The following CMSS1 variants were observed in gnomAD, a reference collection of about 807,000 sequenced individuals.
CMSS1 encodes the protein cms1 ribosomal small subunit homolog, also known as protein CMSS1.
CMSS1 carries 33 observed loss-of-function variants against 43.5 expected under a neutral mutation model. The ratio of observed to expected loss-of-function variants is 0.76; its 90% CI spans 0.57 to 1.01. The LOEUF (loss-of-function observed/expected upper bound fraction) is 1.01, where lower values mean the gene tolerates loss of function less well. Among genes scored for constraint, CMSS1 ranks in the 50% least tolerant of loss-of-function variants. The probability of loss-of-function intolerance (pLI) is 0.00; values close to 1 mark genes in which losing one functional copy is unlikely to be tolerated. For missense variants in CMSS1, 313 were observed against 326.4 expected (o/e 0.96, Z 0.32); for synonymous variants, 115 against 117.2 (o/e 0.98, Z 0.12).
At chr3:99,818,748 C>T (rs1350813733) in intron 1 of CMSS1, among the ~76,000 whole-genome samples, 6 of 152,164 alleles carry the variant, frequency 3.9e-5, no homozygotes, top group Non-Finnish European at 5.9e-5. Context: ...AAAGCTAGCT[C>T]CTTTCAGAAA....
chr3:99,868,439 G>C (rs1944626790), intron 1 of CMSS1, among the ~76,000 whole-genome samples: 1 of 152,156 alleles, frequency 6.6e-6, no homozygotes, highest in Non-Finnish European at 1.5e-5. Flanking sequence ...TGTCAGCCCA[G>C]CAGCACCAGA....
chr3:100,074,671 T>G (rs1036740300), intron 1 of CMSS1, among the ~76,000 whole-genome samples: 2 of 136,484 alleles, frequency 1.5e-5, no homozygotes, highest in African/African-American at 2.7e-5. Flanking sequence ...ATGTGCAACA[T>G]TTGATTTTTT....
intron 1 of CMSS1, among the ~76,000 whole-genome samples, chr3:99,988,210 A>AAATT (rs1709402726): frequency 1.3e-5 from 2 of 152,050 alleles, no homozygotes; most frequent in South Asian, 4.2e-4. Flanking sequence ...AGAAAGTCTG[A>AAATT]AATTTGGCCG....
chr3:99,986,635 T>C (rs775858706), intron 1 of CMSS1, among the ~76,000 whole-genome samples: 1 of 151,986 alleles, frequency 6.6e-6, no homozygotes, highest in Non-Finnish European at 1.5e-5. Context: ...ATTGAAGAAA[T>C]TGATGAAGAT....
intron 1 of CMSS1, among the ~76,000 whole-genome samples, chr3:99,854,620 A>G (rs182097442): frequency 6.6e-6 from 1 of 152,164 alleles, no homozygotes. Context: ...GTGCACTACA[A>G]GATGTTTAGC....
chr3:100,170,422 G>A (rs568680876), intron 6 of CMSS1, among the ~76,000 whole-genome samples: 173 of 152,332 alleles, frequency 1.1e-3, no homozygotes, highest in African/African-American at 3.8e-3. Flanking sequence ...TAGAAATGGT[G>A]CTGAAAATCA....
At chr3:100,124,274 A>C (rs1262040697) in intron 1 of CMSS1, among the ~76,000 whole-genome samples, 2 of 152,128 alleles carry the variant, frequency 1.3e-5, no homozygotes, top group Non-Finnish European at 2.9e-5. Flanking sequence ...GAGGTGAGAG[A>C]TATTTCAACC....
chr3:100,076,781 A>G (rs2065856839), intron 1 of CMSS1, among the ~76,000 whole-genome samples: 2 of 152,206 alleles, frequency 1.3e-5, no homozygotes, highest in African/African-American at 4.8e-5. Flanking sequence ...TCAGATTTCC[A>G]GGTCATTAAT....
intron 1 of CMSS1, among the ~76,000 whole-genome samples, chr3:99,911,525 T>C (rs1278145296): frequency 6.6e-6 from 1 of 152,034 alleles, no homozygotes; most frequent in Non-Finnish European, 1.5e-5. Context: ...GGTTGTGGCA[T>C]ACAGGGTCTG....
At chr3:100,062,195 T>G (rs568997847) in intron 1 of CMSS1, among the ~76,000 whole-genome samples, 1 of 137,342 alleles carries the variant, frequency 7.3e-6, no homozygotes, top group Admixed American at 8.1e-5. Context: ...CACTGCAAGC[T>G]CCGCCTCCCG....
At chr3:99,831,242 T>G (rs1350474414) in intron 1 of CMSS1, among the ~76,000 whole-genome samples, 2 of 152,358 alleles carry the variant, frequency 1.3e-5, no homozygotes, top group African/African-American at 4.8e-5. Context: ...GGCCAAAGCT[T>G]CAGGAAAACG....
chr3:100,014,883 T>TTTC (rs1710280724), intron 1 of CMSS1, among the ~76,000 whole-genome samples: 14 of 125,312 alleles, frequency 1.1e-4, no homozygotes, highest in African/African-American at 2.6e-4. Context: ...TCTTTTTTTT[T>TTTC]TTTCTTTCTT....
intron 1 of CMSS1, among the ~76,000 whole-genome samples, chr3:100,048,916 T>C (rs2065323234): frequency 6.6e-6 from 1 of 152,230 alleles, no homozygotes; most frequent in African/African-American, 2.4e-5. Flanking sequence ...CTTGGACAGT[T>C]ATGGAAAAGC....
chr3:100,038,977 C>T (rs1205709394), intron 1 of CMSS1, among the ~76,000 whole-genome samples: 2 of 152,128 alleles, frequency 1.3e-5, no homozygotes, highest in African/African-American at 4.8e-5. Context: ...AATGCACACA[C>T]AATATTGCTT....
chr3:99,956,439 G>A (rs531968728), intron 1 of CMSS1, among the ~76,000 whole-genome samples: 2 of 152,226 alleles, frequency 1.3e-5, no homozygotes, highest in African/African-American at 2.4e-5. Context: ...TGCAAACTAC[G>A]CCTCCTAGGT....
rs550089172 is a variant in CMSS1 at position 99,948,341 on chromosome 3, A to C, written c.64+130298A>C. Among the ~76,000 whole-genome samples the C allele has an allele frequency of 2.6e-5, 4 of 152,148 alleles. No individual in the cohort carries two copies. The South Asian group carries it at 8.3e-4, about 32-fold the overall frequency. ...GACTGTCTCTCCAAAAAAATAAAAA[A>C]ATTAAAAAATTTTTTAAAAATTAAG... On this transcript the variant is annotated intron_variant, in intron 1 of 9. Coordinates refer to ENST00000421999, the MANE Select transcript of CMSS1 (RefSeq NM_032359.4).
chr3:99,871,292 C>T (rs1944773857), intron 1 of CMSS1, among the ~76,000 whole-genome samples: 1 of 152,084 alleles, frequency 6.6e-6, no homozygotes, highest in Non-Finnish European at 1.5e-5. Context: ...CTCCACAGCC[C>T]ACTGTTTGCA....
rs1327534892 is a variant in CMSS1, at chr3:99,946,350, G to T, written c.64+128307G>T. ...AGCTACAACTATCAATGGAGAATTT[G>T]GAAATTTTTTGTTACGGAAAAGGAG... is the stretch of plus-strand genomic sequence containing the variant. On this transcript the variant is annotated intron_variant, in intron 1 of 9. Transcript: ENST00000421999. 2.6e-5 allele frequency among the ~76,000 whole-genome samples: 4 copies of T among 152,210 alleles called. No homozygotes were observed. In the East Asian group the frequency reaches 7.7e-4, roughly 29 times the overall value.
chr3:99,850,020 A>G (rs371475352), intron 1 of CMSS1: 16 of 1,607,382 alleles, frequency 1.0e-5, no homozygotes, highest in Non-Finnish European at 1.3e-5. Flanking sequence ...TTTCTTCTAC[A>G]TCGGTTTTGG....
Sources: gnomAD v4.1 joint callset for allele counts (sites outside exome capture counted in the v4.1 genomes callset) on GRCh38, gnomAD v4.1.1 for gene constraint, MANE v1.5 for transcripts, NCBI Gene and HGNC (gene_info 2026-07-23, HGNC 2026-07-21) for gene names.